The following GDA variants were observed in gnomAD, a reference collection of about 807,000 sequenced individuals.
The protein encoded by GDA is cytoplasmic PSD-95 interactor.
A neutral mutation model predicts 59.6 loss-of-function variants in GDA; 18 were observed. That is an observed-to-expected ratio of 0.30 (90% CI 0.21 to 0.45). GDA has a LOEUF of 0.45. Among genes scored for constraint, GDA ranks in the 20% least tolerant of loss-of-function variants. The pLI is 1.00. For missense variants in GDA, 427 were observed against 552.3 expected (o/e 0.77, Z 2.27); for synonymous variants, 201 against 201.1 (o/e 1.00, Z 0.00).
intron 5 of GDA, among the ~76,000 whole-genome samples, chr9:72,218,725 G>T (rs1036046029): frequency 3.2e-4 from 48 of 152,328 alleles, no homozygotes; most frequent in Admixed American, 5.9e-4. Context: ...AATAAATGGT[G>T]ATGTTGTGGG....
intron 1 of GDA, among the ~76,000 whole-genome samples, chr9:72,171,018 C>T (rs183489376): frequency 9.3e-4 from 141 of 152,168 alleles, no homozygotes; most frequent in African/African-American, 3.3e-3. Flanking sequence ...GGTTTTGCCA[C>T]ATTGCCCAGG....
At chr9:72,142,928 C>T (rs1409092764) in intron 1 of GDA, among the ~76,000 whole-genome samples, 2 of 150,940 alleles carry the variant, frequency 1.3e-5, no homozygotes, top group Admixed American at 6.6e-5. Flanking sequence ...TGCCACCACT[C>T]CTGCATAATT....
chr9:72,132,388 G>A (rs903608514), intron 1 of GDA, among the ~76,000 whole-genome samples: 1 of 152,102 alleles, frequency 6.6e-6, no homozygotes, highest in South Asian at 2.1e-4. Flanking sequence ...GGGACCTGAG[G>A]GAGGGTGAGT....
chr9:72,119,950 G>A (rs1200690701), intron 1 of GDA, among the ~76,000 whole-genome samples: 1 of 152,084 alleles, frequency 6.6e-6, no homozygotes, highest in African/African-American at 2.4e-5. Flanking sequence ...GTAAATTGTG[G>A]AACCACATCT....
intron 12 of GDA, among the ~76,000 whole-genome samples, 177 bp downstream of exon 12, chr9:72,245,455 T>C (rs1468329157): frequency 6.6e-6 from 1 of 152,224 alleles, no homozygotes; most frequent in Non-Finnish European, 1.5e-5. Context: ...TTAAGAATAA[T>C]GGTGTTAACA....
chr9:72,210,743 T>C lies in GDA; in HGVS notation c.441T>C (p.Thr147=). 1 of 1,611,088 alleles carries C rather than the reference T, an allele frequency of 6.2e-7. No individual in the cohort carries two copies. Among genetic ancestry groups the C allele is most frequent in the Non-Finnish European group, 8.5e-7 (1 of 1,177,228 alleles). ...TTACYFATIH[T]DSSLLLADIT... Reference sequence around the variant, plus strand: ...CTTGTTACTTTGCAACAATTCACACTGACTCATCTCTGCTCCTTGCCGACA... The same window carrying C: ...CTTGTTACTTTGCAACAATTCACACCGACTCATCTCTGCTCCTTGCCGACA... Residue 147 remains threonine, a synonymous_variant, in exon 4 of 14, where the codon ACT becomes ACC. Transcript: ENST00000358399.
intron 2 of GDA, among the ~76,000 whole-genome samples, chr9:72,200,012 T>G (rs1833744221): frequency 6.7e-6 from 1 of 149,156 alleles, no homozygotes; most frequent in Non-Finnish European, 1.5e-5. Context: ...TTTTTTTTTT[T>G]TTTGAGATGG....
At chr9:72,188,445 T>C (rs994933513) in intron 1 of GDA, among the ~76,000 whole-genome samples, 11 of 152,232 alleles carry the variant, frequency 7.2e-5, no homozygotes, top group Non-Finnish European at 1.5e-4. Flanking sequence ...AGCAGGTCCA[T>C]GTGTGGCTCA....
intron 1 of GDA, among the ~76,000 whole-genome samples, chr9:72,127,990 C>T (rs1489419425): frequency 6.6e-6 from 1 of 152,126 alleles, no homozygotes; most frequent in African/African-American, 2.4e-5. Flanking sequence ...TTAGAGAGGA[C>T]TTTGAAGTCT....
intron 10 of GDA, among the ~76,000 whole-genome samples, chr9:72,233,407 A>G (rs1265179602): frequency 6.6e-6 from 1 of 152,220 alleles, no homozygotes; most frequent in Non-Finnish European, 1.5e-5. Context: ...GAGTACAGGA[A>G]ATCATGGTTC....
At position 72,202,759 on chromosome 9, in the gene GDA, T is replaced by C. The variant is rs762960160; in HGVS notation, c.384+17T>C. The C allele has an allele frequency of 2.5e-6, 4 of 1,579,884 alleles. No homozygotes were observed. In the South Asian group the frequency reaches 4.4e-5, roughly 18 times the overall value. On this transcript the variant is annotated intron_variant, in intron 3 of 13. Transcript: ENST00000358399. Reference sequence around the variant, plus strand: ...AGAGTTGTCGTAAGTATCTTGTGTGTGAGTGTGGTATTCTGTTTGGTCATC... The same window carrying C: ...AGAGTTGTCGTAAGTATCTTGTGTGCGAGTGTGGTATTCTGTTTGGTCATC...
chr9:72,254,819 G>A (rs564119447), downstream of GDA, among the ~76,000 whole-genome samples: 1 of 152,304 alleles, frequency 6.6e-6, no homozygotes, highest in South Asian at 2.1e-4. Flanking sequence ...TAAATTTGGT[G>A]CCCTGGAACA....
chr9:72,127,367 G>A lies in GDA; in HGVS notation c.-100+12534G>A, dbSNP rs532796833. 4.6e-4 allele frequency among the ~76,000 whole-genome samples: 70 copies of A among 152,086 alleles called. 1 individual carries two copies. The highest frequency in any genetic ancestry group is 6.8e-3 in the Middle Eastern group (2 of 294). On this transcript the variant is annotated intron_variant, in intron 1 of 13. Coordinates refer to the GDA transcript ENST00000545168. Reference sequence around the variant, plus strand: ...AGAAAATCCTTCCTGGGCTGGGCGCGGTGGCTCACACCTGTAATCCCAGCA... The same window carrying A: ...AGAAAATCCTTCCTGGGCTGGGCGCAGTGGCTCACACCTGTAATCCCAGCA...
chr9:72,132,555 A>G (rs962830099), intron 1 of GDA, among the ~76,000 whole-genome samples: 1 of 152,170 alleles, frequency 6.6e-6, no homozygotes, highest in African/African-American at 2.4e-5. Flanking sequence ...ACAAGTGCAG[A>G]TATCTTAGCC....
intron 1 of GDA, among the ~76,000 whole-genome samples, chr9:72,126,180 C>A (rs999191600): frequency 3.3e-5 from 5 of 152,062 alleles, no homozygotes; most frequent in Non-Finnish European, 7.4e-5. Context: ...GGATTACGGA[C>A]GTGAGCCACT....
intron 1 of GDA, among the ~76,000 whole-genome samples, chr9:72,117,193 T>TTATGAG (rs1825484424): frequency 6.6e-6 from 1 of 152,154 alleles, no homozygotes; most frequent in African/African-American, 2.4e-5. Context: ...ATTATTTGTT[T>TTATGAG]TATGAGTATA....
At chr9:72,191,667 C>T (rs1185131664) in intron 1 of GDA, among the ~76,000 whole-genome samples, 1 of 152,072 alleles carries the variant, frequency 6.6e-6, no homozygotes, top group Non-Finnish European at 1.5e-5. Flanking sequence ...CTCACTGCAA[C>T]CTCCACCTCC....
rs866086740 is a variant in GDA at position 72,251,653 on chromosome 9, T to G, written c.*3311T>G. ...GAATTGTTGAAAAAAAATTTTTTTT[T>G]TTTGGACAGCTTCAAGGAGATGTTA... On this transcript the variant is annotated 3_prime_UTR_variant, in exon 14 of 14. Coordinates refer to ENST00000358399, the MANE Select transcript of GDA (RefSeq NM_004293.5). 4 of 152,236 alleles carry G rather than the reference T, an allele frequency of 2.6e-5. No individual in the cohort carries two copies. The highest frequency in any genetic ancestry group is 6.5e-5 in the Admixed American group (1 of 15,280). 9.4% of individuals were successfully genotyped at this position (152,236 alleles called of 1,614,324 possible). A position where few individuals can be genotyped will look rare whatever the true frequency, so the allele number is the denominator to read the frequency against.
rs1554688069 is a variant in GDA, at chr9:72,250,833, C to G, written c.*2491C>G. 1.4e-5 allele frequency: 22 copies of G among 1,609,136 alleles called. 1 individual carries two copies. In the Middle Eastern group the frequency reaches 3.1e-3, roughly 229 times the overall value. The stretch of plus-strand genomic sequence containing the variant: ...TCCATGGTATTTTCAACGGAATACA[C>G]TTTGAAAGGTAAAAACAATTCAAAA... On this transcript the variant is annotated 3_prime_UTR_variant, in exon 14 of 14. Transcript: ENST00000358399.
Sources: gnomAD v4.1 joint callset for allele counts (sites outside exome capture counted in the v4.1 genomes callset) on GRCh38, gnomAD v4.1.1 for gene constraint, MANE v1.5 for transcripts, NCBI Gene and HGNC (gene_info 2026-07-23, HGNC 2026-07-21) for gene names.